The following PPFIA2 variants were observed in gnomAD, a reference collection of about 807,000 sequenced individuals.
PPFIA2 encodes the protein liprin-alpha-2.
PPFIA2 carries 46 observed loss-of-function variants against 175.5 expected under a neutral mutation model. The ratio of observed to expected loss-of-function variants is 0.26; its 90% CI spans 0.21 to 0.34. The LOEUF (loss-of-function observed/expected upper bound fraction) is 0.34. Among genes scored for constraint, PPFIA2 ranks in the 10% least tolerant of loss-of-function variants. The pLI, the probability that PPFIA2 is intolerant of heterozygous loss-of-function variation, is 1.00. For missense variants in PPFIA2, 1,179 were observed against 1,506.1 expected (o/e 0.78, Z 3.60); for synonymous variants, 568 against 511.4 (o/e 1.11, Z -1.49).
chr12:81,625,417 A>G (rs955070412), intron 4 of PPFIA2, among the ~76,000 whole-genome samples: 27 of 151,946 alleles, frequency 1.8e-4, no homozygotes, highest in Non-Finnish European at 4.0e-4. Flanking sequence ...GAATTTTCAC[A>G]AGACAAAAAT....
chr12:81,422,110 A>G (rs1446046126), intron 7 of PPFIA2, among the ~76,000 whole-genome samples: 3 of 145,840 alleles, frequency 2.1e-5, no homozygotes, highest in South Asian at 4.3e-4. Flanking sequence ...GTGTATATAT[A>G]TGTGTATATA....
intron 4 of PPFIA2, among the ~76,000 whole-genome samples, chr12:81,668,152 C>T (rs1205912159): frequency 2.0e-5 from 3 of 152,040 alleles, no homozygotes; most frequent in Non-Finnish European, 4.4e-5. Context: ...CCTCACATTT[C>T]AGTTTATATT....
At chr12:81,416,248 T>G (rs1004691863) in intron 7 of PPFIA2, among the ~76,000 whole-genome samples, 1 of 151,604 alleles carries the variant, frequency 6.6e-6, no homozygotes, top group African/African-American at 2.4e-5. Context: ...TTCAAAAGTG[T>G]TAGTGGTAGG....
At chr12:81,758,104 A>G (rs1315456375) in intron 2 of PPFIA2, among the ~76,000 whole-genome samples, 2 of 152,168 alleles carry the variant, frequency 1.3e-5, no homozygotes, top group Admixed American at 1.3e-4. Flanking sequence ...AGCCAGAGCC[A>G]GCTCAACCCA....
At chr12:81,455,830 TC>T (rs2053481561) in intron 5 of PPFIA2, among the ~76,000 whole-genome samples, 1 of 152,190 alleles carries the variant, frequency 6.6e-6, no homozygotes, top group Non-Finnish European at 1.5e-5. Flanking sequence ...TCAAATTCAT[TC>T]TTTGCTATTT....
At chr12:81,327,475 A>G (rs1050744672) in intron 21 of PPFIA2, among the ~76,000 whole-genome samples, 1 of 152,122 alleles carries the variant, frequency 6.6e-6, no homozygotes, top group Non-Finnish European at 1.5e-5. Context: ...GCCTTACTGT[A>G]TATCAATAAA....
intron 4 of PPFIA2, among the ~76,000 whole-genome samples, chr12:81,539,893 T>C (rs140947917): frequency 6.6e-6 from 1 of 152,190 alleles, no homozygotes; most frequent in Non-Finnish European, 1.5e-5. Context: ...GAATAAGTTT[T>C]ATTCCCTCAA....
At chr12:81,642,851 A>ATGT in intron 4 of PPFIA2, among the ~76,000 whole-genome samples, 3 of 139,724 alleles carry the variant, frequency 2.1e-5, no homozygotes, top group Non-Finnish European at 4.6e-5. Flanking sequence ...ATACATATAT[A>ATGT]ACATGTATTA....
At chr12:81,388,033 T>C (rs751046160) in intron 8 of PPFIA2, among the ~76,000 whole-genome samples, 6 of 152,116 alleles carry the variant, frequency 3.9e-5, no homozygotes, top group Admixed American at 3.9e-4. Context: ...TAGCAGCACT[T>C]ACCCCTTTTA....
chr12:81,485,037 C>T (rs2058665671), intron 4 of PPFIA2, among the ~76,000 whole-genome samples: 2 of 151,680 alleles, frequency 1.3e-5, no homozygotes, highest in Non-Finnish European at 2.9e-5. Flanking sequence ...AAATTATAGG[C>T]TAAAAACTAC....
intron 14 of PPFIA2, among the ~76,000 whole-genome samples, chr12:81,363,772 T>C (rs1055386473): frequency 1.3e-5 from 2 of 151,872 alleles, no homozygotes; most frequent in African/African-American, 4.8e-5. Flanking sequence ...TCAGTCTCTT[T>C]CCTACACATT....
At chr12:81,506,511 C>A (rs751880642) in intron 4 of PPFIA2, among the ~76,000 whole-genome samples, 2 of 152,176 alleles carry the variant, frequency 1.3e-5, no homozygotes, top group African/African-American at 2.4e-5. Flanking sequence ...AAACCAAATA[C>A]AGTATTTGGT....
chr12:81,456,502 T>A (rs544000253), intron 5 of PPFIA2, among the ~76,000 whole-genome samples: 4 of 152,202 alleles, frequency 2.6e-5, no homozygotes, highest in Non-Finnish European at 5.9e-5. Context: ...AAGCTCCCAG[T>A]TAGTAGAACT....
chr12:81,562,092 TA>T (rs2070225353), intron 4 of PPFIA2, among the ~76,000 whole-genome samples: 1 of 152,186 alleles, frequency 6.6e-6, no homozygotes, highest in Non-Finnish European at 1.5e-5. Context: ...TGTTGTCTCT[TA>T]AAAAGATAGG....
In PPFIA2 at chr12:81,295,043, A is replaced by G; in HGVS notation, c.2725-8T>C. 1 of 1,609,264 alleles carries G rather than the reference A, an allele frequency of 6.2e-7. No individual in the cohort carries two copies. The highest frequency in any genetic ancestry group is 8.5e-7 in the Non-Finnish European group (1 of 1,178,104). On this transcript the variant is annotated splice_region_variant and splice_polypyrimidine_tract_variant and intron_variant, in intron 23 of 32. Transcript: ENST00000549396. Reference sequence around the variant, plus strand: ...AGGCATTCCCAACCAAAGCTGTTAGATAGGAAAAAATACACTAACAAATTA... The same window carrying G: ...AGGCATTCCCAACCAAAGCTGTTAGGTAGGAAAAAATACACTAACAAATTA...
At chr12:81,387,982 T>A (rs2039349676) in intron 8 of PPFIA2, among the ~76,000 whole-genome samples, 1 of 152,126 alleles carries the variant, frequency 6.6e-6, no homozygotes, top group Admixed American at 6.6e-5. Flanking sequence ...GAAATGTGAT[T>A]AATGAACTGC....
At chr12:81,637,723 G>A (rs2064295514) in intron 4 of PPFIA2, among the ~76,000 whole-genome samples, 1 of 152,034 alleles carries the variant, frequency 6.6e-6, no homozygotes, top group African/African-American at 2.4e-5. Flanking sequence ...GCAACTGATG[G>A]CAATTGGTTC....
At chr12:81,378,730 C>CTTTTATTT (rs1566552813) in intron 9 of PPFIA2, among the ~76,000 whole-genome samples, 2 of 152,072 alleles carry the variant, frequency 1.3e-5, no homozygotes, top group African/African-American at 4.8e-5. Context: ...ATTTTAACAG[C>CTTTTATTT]AATAAAGTCA....
chr12:81,502,375 TC>T (rs2060678152), intron 4 of PPFIA2, among the ~76,000 whole-genome samples: 1 of 152,214 alleles, frequency 6.6e-6, no homozygotes, highest in African/African-American at 2.4e-5. Flanking sequence ...AGTTTTCAGT[TC>T]TGGCTGCATG....
Sources: gnomAD v4.1 joint callset for allele counts (sites outside exome capture counted in the v4.1 genomes callset) on GRCh38, gnomAD v4.1.1 for gene constraint, MANE v1.5 for transcripts, NCBI Gene and HGNC (gene_info 2026-07-23, HGNC 2026-07-21) for gene names.